The following CEP63 variants were observed in gnomAD, a reference collection of about 807,000 sequenced individuals.
CEP63 encodes the protein centrosomal protein of 63 kDa.
CEP63 carries 84 observed loss-of-function variants against 89.1 expected under a neutral mutation model. That is an observed-to-expected ratio of 0.94 (90% CI 0.79 to 1.13). The LOEUF (loss-of-function observed/expected upper bound fraction) is 1.13, where lower values mean the gene tolerates loss of function less well. Ranked by LOEUF, CEP63 falls within the 50% of genes most tolerant of loss-of-function variation. The pLI is 0.00. For missense variants in CEP63, 838 were observed against 813.3 expected, an observed-to-expected ratio of 1.03 and a Z score of -0.37; for synonymous variants, 267 against 272.5, an observed-to-expected ratio of 0.98 and a Z score of 0.20.
chr3:134,688,596 G>C, the CEP63 span, among the ~76,000 whole-genome samples: 1 of 152,224 alleles, frequency 6.6e-6, no homozygotes, highest in African/African-American at 2.4e-5. Flanking sequence ...GTAGACTCGT[G>C]TGTTGTCCCT....
chr3:134,726,825 G>A, the CEP63 span, among the ~76,000 whole-genome samples: 3 of 152,188 alleles, frequency 2.0e-5, no homozygotes, highest in African/African-American at 7.2e-5. Flanking sequence ...TGCGGCTCCT[G>A]TTGCTCTCAC....
the CEP63 span, among the ~76,000 whole-genome samples, chr3:134,696,443 G>A: frequency 6.6e-6 from 1 of 152,174 alleles, no homozygotes; most frequent in Non-Finnish European, 1.5e-5. Flanking sequence ...TTGTACTTCT[G>A]GACAAGACCA....
At chr3:134,750,308 T>A in the CEP63 span, among the ~76,000 whole-genome samples, 2 of 152,180 alleles carry the variant, frequency 1.3e-5, no homozygotes, top group African/African-American at 2.4e-5. Flanking sequence ...CCTGCTAGTA[T>A]ATGACCCAGC....
the CEP63 span, among the ~76,000 whole-genome samples, chr3:134,741,336 G>T: frequency 1.3e-5 from 2 of 152,190 alleles, no homozygotes; most frequent in Non-Finnish European, 2.9e-5. Flanking sequence ...TCTGACAGCT[G>T]ATCTGAAGAG....
At chr3:134,606,110 G>A in the CEP63 span, among the ~76,000 whole-genome samples, 1 of 152,100 alleles carries the variant, frequency 6.6e-6, no homozygotes, top group African/African-American at 2.4e-5. Flanking sequence ...AGCTCAGTGG[G>A]CAGAAGCTAC....
At chr3:134,533,477 A>G (rs1438135003) in intron 5 of CEP63, among the ~76,000 whole-genome samples, 1 of 152,208 alleles carries the variant, frequency 6.6e-6, no homozygotes, top group Non-Finnish European at 1.5e-5. Flanking sequence ...GTAGTAAGGC[A>G]TTCACTTCCT....
chr3:134,689,517 G>A, the CEP63 span, among the ~76,000 whole-genome samples: 1 of 151,788 alleles, frequency 6.6e-6, no homozygotes, highest in African/African-American at 2.4e-5. Flanking sequence ...AGTGGCATGA[G>A]CTCGGCTCAC....
intron 2 of CEP63, among the ~76,000 whole-genome samples, chr3:134,505,983 A>C (rs1202334771): frequency 1.3e-5 from 2 of 151,924 alleles, no homozygotes; most frequent in Non-Finnish European, 2.9e-5. Context: ...TTTTGGGGGG[A>C]CTTTTTTTGG....
intron 11 of CEP63, among the ~76,000 whole-genome samples, chr3:134,550,746 T>C (rs1029220019): frequency 1.3e-5 from 2 of 152,232 alleles, no homozygotes; most frequent in Admixed American, 1.3e-4. Flanking sequence ...AAAGGAGTTA[T>C]ACTGTGACCT....
chr3:134,532,966 A>G (rs1950136723), intron 5 of CEP63, 66 bp downstream of exon 5: 37 of 1,561,242 alleles, frequency 2.4e-5, no homozygotes, highest in Non-Finnish European at 3.2e-5. Flanking sequence ...TGCGGTTTCT[A>G]ATGGCACTAT....
intron 3 of CEP63, among the ~76,000 whole-genome samples, chr3:134,522,308 G>C (rs1288990522): frequency 2.0e-5 from 3 of 152,148 alleles, no homozygotes; most frequent in African/African-American, 7.2e-5. Context: ...ACTCTCAGAA[G>C]GACAGGGATC....
the CEP63 span, among the ~76,000 whole-genome samples, chr3:134,642,471 C>G: frequency 1.3e-5 from 2 of 152,204 alleles, no homozygotes; most frequent in African/African-American, 4.8e-5. Context: ...AACCTGGCCT[C>G]CTGTCACCAT....
intron 5 of CEP63, among the ~76,000 whole-genome samples, chr3:134,533,475 G>A (rs550457734): frequency 6.6e-6 from 1 of 152,168 alleles, no homozygotes; most frequent in Admixed American, 6.5e-5. Flanking sequence ...ATGTAGTAAG[G>A]CATTCACTTC....
the CEP63 span, among the ~76,000 whole-genome samples, chr3:134,688,247 G>T: frequency 6.6e-6 from 1 of 152,162 alleles, no homozygotes; most frequent in Non-Finnish European, 1.5e-5. Flanking sequence ...GAGGAATGAA[G>T]TATGGATCAA....
intron 6 of CEP63, among the ~76,000 whole-genome samples, chr3:134,542,002 C>G (rs1952141847): frequency 6.6e-6 from 1 of 151,900 alleles, no homozygotes. Flanking sequence ...GCTACTTTTT[C>G]TGTTGCCTAC....
At chr3:134,589,589 C>CAAAAA (rs55675043), downstream of CEP63, among the ~76,000 whole-genome samples, 30,907 of 146,886 alleles carry the variant, frequency 0.21, 3,357 homozygotes, top group African/African-American at 0.28. Context: ...ATTAAAATGT[C>CAAAAA]AAAAAAAAAA....
chr3:134,673,854 T>C, the CEP63 span, among the ~76,000 whole-genome samples: 1 of 152,188 alleles, frequency 6.6e-6, no homozygotes, highest in Non-Finnish European at 1.5e-5. Context: ...CATTCTGTGG[T>C]GAGCACCCGT....
At chr3:134,699,909 C>A in the CEP63 span, among the ~76,000 whole-genome samples, 220 of 152,378 alleles carry the variant, frequency 1.4e-3, 1 homozygote, top group African/African-American at 5.1e-3. Context: ...TTGTTCCCAG[C>A]CCTGATGCTC....
the CEP63 span, among the ~76,000 whole-genome samples, chr3:134,714,493 C>T: frequency 6.6e-6 from 1 of 152,146 alleles, no homozygotes; most frequent in Admixed American, 6.5e-5. Context: ...GCACAGGCCC[C>T]GGCCCCACCT....
Sources: gnomAD v4.1 joint callset for allele counts (sites outside exome capture counted in the v4.1 genomes callset) on GRCh38, gnomAD v4.1.1 for gene constraint, MANE v1.5 for transcripts, NCBI Gene and HGNC (gene_info 2026-07-23, HGNC 2026-07-21) for gene names.